CHN1: variants seen among roughly 807,000 people sequenced by gnomAD.
CHN1 encodes N-chimaerin.
CHN1 carries 37 observed loss-of-function variants against 59.5 expected under a neutral mutation model. The observed-to-expected ratio is 0.62, with a 90% CI of 0.48 to 0.82. The LOEUF (loss-of-function observed/expected upper bound fraction) is 0.82. CHN1 is among the 40% of genes least tolerant of loss of function. The pLI, the probability that CHN1 is intolerant of heterozygous loss-of-function variation, is 0.00. For synonymous variants in CHN1, 206 were observed against 200.4 expected (o/e 1.03, Z -0.24); for missense variants, 469 against 571.0 (o/e 0.82, Z 1.82).
chr2:174,877,901 A>G lies in CHN1; in HGVS notation c.488T>C (p.Val163Ala). 1 of 1,613,800 alleles carries G rather than the reference A, an allele frequency of 6.2e-7. No homozygotes were observed. ...REPAYKKHMPVLKETHDERDS... is the reference protein window; with the variant it reads ...REPAYKKHMPALKETHDERDS... ...TCTCTCATCATGTGTCTCTTTCAGG[A>G]CTGGCATATGTTTTTTGTATGCTGG... Residue 163 changes from valine (V) to alanine (A), a missense_variant, in exon 6 of 13, where the codon GTC (valine) becomes GCC (alanine). Coordinates refer to ENST00000409900, the MANE Select transcript of CHN1 (RefSeq NM_001822.7).
intron 3 of CHN1, among the ~76,000 whole-genome samples, chr2:174,923,685 T>C (rs1010250834): frequency 6.6e-6 from 1 of 152,154 alleles, no homozygotes; most frequent in Admixed American, 6.6e-5. Context: ...TGGCTGCAAA[T>C]GGTGTGGCAA....
At chr2:174,921,006 T>C (rs1002530284) in intron 3 of CHN1, 7 of 419,478 alleles carry the variant, frequency 1.7e-5, no homozygotes, top group African/African-American at 1.2e-4. Flanking sequence ...CAGTTCACAA[T>C]AGGGTTCGCG....
chr2:174,950,777 G>GTTTT (rs34886920), intron 2 of CHN1, among the ~76,000 whole-genome samples: 7 of 127,294 alleles, frequency 5.5e-5, no homozygotes, highest in African/African-American at 1.2e-4. Context: ...ATGCAGAGAA[G>GTTTT]TTTTTTTTTT....
At chr2:174,971,241 C>A (rs1690748374) in intron 1 of CHN1, among the ~76,000 whole-genome samples, 1 of 152,110 alleles carries the variant, frequency 6.6e-6, no homozygotes, top group Non-Finnish European at 1.5e-5. Context: ...TGGCATGAAC[C>A]CGGGAGGCGG....
At position 174,847,720 on chromosome 2, in the gene CHN1, C is replaced by CT. The variant is rs749177300; in HGVS notation, c.550-764dup. On this transcript the variant is annotated intron_variant, in intron 6 of 12. Transcript: ENST00000409900. ...TAAGTACTGTATTCCTAAACTCACTCTGTCTCTGTTTCTCCCTCCTCTCAT... is the reference window on the plus strand; with the variant it reads ...TAAGTACTGTATTCCTAAACTCACTCTTGTCTCTGTTTCTCCCTCCTCTCAT... 11 of 1,077,476 alleles carry CT rather than the reference C, an allele frequency of 1.0e-5. No individual in the cohort carries two copies. The South Asian group carries it at 1.1e-4, about 10-fold the overall frequency. The allele number at this position is 1,077,476 out of a possible 1,614,324, so 66.7% of individuals were successfully genotyped here.
intron 8 of CHN1, among the ~76,000 whole-genome samples, chr2:174,822,477 T>C (rs888700085): frequency 3.9e-5 from 6 of 152,210 alleles, no homozygotes; most frequent in Admixed American, 6.5e-5. Context: ...AGAATTCTTA[T>C]GTAGATGGGC....
chr2:174,822,415 G>A lies in CHN1; in HGVS notation c.712+2019C>T, dbSNP rs187781957. 3.6e-4 allele frequency among the ~76,000 whole-genome samples: 55 copies of A among 152,192 alleles called. 1 individual carries two copies. The highest frequency in any genetic ancestry group is 2.9e-3 in the Admixed American group (45 of 15,292). ...TTTCCAACATGATTGGGGTTGTAGC[G>A]TATTCCCAAAGATTATTCATAGGTG... On this transcript the variant is annotated intron_variant, in intron 8 of 12. Coordinates refer to ENST00000409900, the MANE Select transcript of CHN1 (RefSeq NM_001822.7).
intron 2 of CHN1, among the ~76,000 whole-genome samples, chr2:174,950,107 A>T (rs1411881931): frequency 1.3e-5 from 2 of 152,036 alleles, no homozygotes; most frequent in African/African-American, 2.4e-5. Flanking sequence ...ACAAAATAAA[A>T]TTTTTAAAAA....
intron 1 of CHN1, among the ~76,000 whole-genome samples, chr2:174,999,360 G>T (rs1487752911): frequency 6.6e-6 from 1 of 152,090 alleles, no homozygotes; most frequent in Non-Finnish European, 1.5e-5. Flanking sequence ...CTTTCTATAA[G>T]ACTGAGAAAA....
At chr2:174,986,483 A>G (rs1176955118) in intron 1 of CHN1, among the ~76,000 whole-genome samples, 1 of 152,198 alleles carries the variant, frequency 6.6e-6, no homozygotes, top group Non-Finnish European at 1.5e-5. Flanking sequence ...ACTAATACGA[A>G]AGAAAACACC....
rs373448897 is a variant in CHN1 at position 174,895,198 on chromosome 2, GTA to G, written c.261-17072_261-17071del. On this transcript the variant is annotated intron_variant, in intron 5 of 12. Transcript: ENST00000409900. ...TAGGAGTATATATATGTGTGTGTGT[GTA>G]TATATATATATATACACACACACAC... is the stretch of plus-strand genomic sequence containing the variant. Among the ~76,000 whole-genome samples, 302 of 141,076 alleles carry G rather than the reference GTA, an allele frequency of 2.1e-3. 2 individuals are homozygous for G. The Middle Eastern group carries it at 0.026, about 12-fold the overall frequency. 92.6% of individuals were successfully genotyped at this position (141,076 alleles called of 152,430 possible).
At chr2:174,807,160 A>G (rs767246159) in intron 11 of CHN1, among the ~76,000 whole-genome samples, 5 of 152,190 alleles carry the variant, frequency 3.3e-5, no homozygotes, top group Non-Finnish European at 5.9e-5. Context: ...TCAGCAGCTA[A>G]GGTGGGTGTG....
intron 7 of CHN1, among the ~76,000 whole-genome samples, chr2:174,843,228 ATTATTTATTTAT>A (rs78226248): frequency 6.6e-6 from 1 of 151,390 alleles, no homozygotes; most frequent in South Asian, 2.1e-4. Context: ...TGTAGCTTTT[ATTATTTATTTAT>A]TTATTTATTT....
chr2:174,879,570 G>A (rs925186355), intron 5 of CHN1, among the ~76,000 whole-genome samples: 2 of 152,030 alleles, frequency 1.3e-5, no homozygotes, highest in African/African-American at 4.8e-5. Flanking sequence ...AAATTAGACA[G>A]GTGAAATTTC....
chr2:174,961,024 A>C (rs1690381178), intron 1 of CHN1, among the ~76,000 whole-genome samples: 1 of 151,968 alleles, frequency 6.6e-6, no homozygotes, highest in African/African-American at 2.4e-5. Context: ...GCTACACAGG[A>C]AACTGGGGTG....
At chr2:174,855,823 T>C (rs997502002) in intron 6 of CHN1, among the ~76,000 whole-genome samples, 1 of 152,116 alleles carries the variant, frequency 6.6e-6, no homozygotes, top group African/African-American at 2.4e-5. Flanking sequence ...AACACTATTA[T>C]AGATGAAGAA....
intron 1 of CHN1, among the ~76,000 whole-genome samples, chr2:174,971,880 C>CA (rs1001552001): frequency 2.0e-5 from 3 of 152,084 alleles, no homozygotes; most frequent in African/African-American, 7.2e-5. Flanking sequence ...AAGAAGAAGC[C>CA]AAAATACAAA....
chr2:174,836,431 A>G (rs1292264252), intron 7 of CHN1, among the ~76,000 whole-genome samples: 1 of 152,196 alleles, frequency 6.6e-6, no homozygotes, highest in African/African-American at 2.4e-5. Flanking sequence ...AATAGGCTTC[A>G]GTTTCTACAC....
chr2:174,838,803 T>G (rs1396580650), intron 7 of CHN1, among the ~76,000 whole-genome samples: 8 of 151,878 alleles, frequency 5.3e-5, no homozygotes, highest in Admixed American at 5.2e-4. Context: ...TCACCTGAGG[T>G]CAGGAGTTCA....
Sources: allele counts gnomAD v4.1 joint callset (sites outside exome capture counted in the v4.1 genomes callset), GRCh38; gene constraint gnomAD v4.1.1; transcripts MANE v1.5; gene names NCBI Gene and HGNC (gene_info 2026-07-23, HGNC 2026-07-21).